FAM91A1: variants seen among roughly 807,000 people sequenced by gnomAD.
FAM91A1 encodes family with sequence similarity 91 member A1.
FAM91A1 carries 41 observed loss-of-function variants against 113.5 expected under a neutral mutation model. The ratio of observed to expected loss-of-function variants is 0.36; its 90% CI spans 0.28 to 0.47. The LOEUF (loss-of-function observed/expected upper bound fraction) is 0.47. Among genes scored for constraint, FAM91A1 ranks in the 20% least tolerant of loss-of-function variants. The pLI is 1.00. For synonymous variants in FAM91A1, 307 were observed against 347.9 expected (o/e 0.88, Z 1.31); for missense variants, 696 against 1,001.2 (o/e 0.70, Z 4.11).
chr8:123,768,505 T>C lies in FAM91A1; in HGVS notation c.-198T>C, dbSNP rs1457078313. ...GCTGTTCAGGCGATCCAGCCTCCAA[T>C]CGCTGCTGCTCTTGTACTCGGTTGG... On this transcript the variant is annotated 5_prime_UTR_variant, in exon 1 of 24. Transcript: ENST00000334705. 1.8e-5 allele frequency: 9 copies of C among 496,498 alleles called. No homozygotes were observed. The highest frequency in any genetic ancestry group is 3.2e-5 in the Non-Finnish European group (9 of 282,600). The allele number at this position is 496,498 out of a possible 1,614,324, so 30.8% of individuals were successfully genotyped here. A position where few individuals can be genotyped will look rare whatever the true frequency, so the allele number is the denominator to read the frequency against.
chr8:123,810,267 C>CTTTT lies in FAM91A1; in HGVS notation c.2262-7_2262-4dup. 3.4e-6 allele frequency: 4 copies of CTTTT among 1,188,716 alleles called. No homozygotes were observed. In the African/African-American group the frequency reaches 4.8e-5, roughly 14 times the overall value. The allele number at this position is 1,188,716 out of a possible 1,614,324, so 73.6% of individuals were successfully genotyped here. ...ATGTTTGTTTTAAACTGTTTCTCGC[C>CTTTT]TTTTTTTTTTTCAGCCTTCAAAACC... On this transcript the variant is annotated splice_polypyrimidine_tract_variant and intron_variant, in intron 22 of 23. Transcript: ENST00000334705.
intron 9 of FAM91A1, 119 bp downstream of exon 9, chr8:123,784,695 A>G (rs1158309813): frequency 1.9e-5 from 11 of 566,060 alleles, no homozygotes; most frequent in Non-Finnish European, 3.2e-5. Context: ...AGATCATACC[A>G]TTATTACACT....
chr8:123,814,268 G>T lies in FAM91A1; in HGVS notation c.*1564G>T. On this transcript the variant is annotated 3_prime_UTR_variant, in exon 24 of 24. Coordinates refer to ENST00000334705, the MANE Select transcript of FAM91A1 (RefSeq NM_144963.4). Reference sequence around the variant, plus strand: ...TCACTCACTTATTTTTCCAATAATTGATATTGTACATTCCTAGTGCCATTA... The same window carrying T: ...TCACTCACTTATTTTTCCAATAATTTATATTGTACATTCCTAGTGCCATTA... 3.2e-6 allele frequency: 1 copy of T among 313,042 alleles called. No homozygotes were observed. Among genetic ancestry groups the T allele is most frequent in the Non-Finnish European group, 6.0e-6 (1 of 165,598 alleles). The allele number at this position is 313,042 out of a possible 1,614,324, so 19.4% of individuals were successfully genotyped here. A position where few individuals can be genotyped will look rare whatever the true frequency, so the allele number is the denominator to read the frequency against.
intron 18 of FAM91A1, among the ~76,000 whole-genome samples, chr8:123,803,976 T>G (rs983845767): frequency 2.6e-5 from 4 of 152,212 alleles, no homozygotes; most frequent in Non-Finnish European, 5.9e-5. Flanking sequence ...TCTTCATGCT[T>G]CTTGTTATTA....
rs563546774 is a variant in FAM91A1 at position 123,791,285 on chromosome 8, G to A, written c.1411+1540G>A. ...CCAGGAATGGAAGACTTGAATCTGT[G>A]TCTGTTGATTTTTTTTTTTCCATTG... On this transcript the variant is annotated intron_variant, in intron 15 of 23. Coordinates refer to ENST00000334705, the MANE Select transcript of FAM91A1 (RefSeq NM_144963.4). 2.3e-3 allele frequency among the ~76,000 whole-genome samples: 331 copies of A among 145,038 alleles called. 2 individuals carry two copies. In the South Asian group the frequency reaches 0.023, roughly 10 times the overall value.
chr8:123,814,135 A>G lies in FAM91A1; in HGVS notation c.*1431A>G. The G allele has an allele frequency of 2.6e-6, 1 of 388,700 alleles. No individual in the cohort carries two copies. The highest frequency in any genetic ancestry group is 4.9e-6 in the Non-Finnish European group (1 of 204,926). The allele number at this position is 388,700 out of a possible 1,614,324, so 24.1% of individuals were successfully genotyped here. A position where few individuals can be genotyped will look rare whatever the true frequency, so the allele number is the denominator to read the frequency against. ...GTGCTGTGTTTGAGGTAAATGCAGT[A>G]ACGGTTAGTTTTCTACTTTGTCTTA... On this transcript the variant is annotated 3_prime_UTR_variant, in exon 24 of 24. Coordinates refer to ENST00000334705, the MANE Select transcript of FAM91A1 (RefSeq NM_144963.4).
chr8:123,784,852 C>A, intron 9 of FAM91A1: 1 of 407,992 alleles, frequency 2.5e-6, no homozygotes, highest in South Asian at 5.6e-5. Flanking sequence ...TTAAATGAGA[C>A]GAAATTAAAG....
At chr8:123,785,283 G>A (rs1372593113) in intron 10 of FAM91A1, among the ~76,000 whole-genome samples, 164 bp downstream of exon 10, 1 of 152,194 alleles carries the variant, frequency 6.6e-6, no homozygotes, top group African/African-American at 2.4e-5. Context: ...ACAGGAAAGA[G>A]CAGGAAAAGG....
chr8:123,780,784 A>G (rs1815101769), intron 8 of FAM91A1, among the ~76,000 whole-genome samples: 1 of 152,184 alleles, frequency 6.6e-6, no homozygotes, highest in South Asian at 2.1e-4. Context: ...CCCAAATCAA[A>G]TCAATATTTT....
At chr8:123,807,528 A>C (rs1737029962) in intron 20 of FAM91A1, among the ~76,000 whole-genome samples, 1 of 151,826 alleles carries the variant, frequency 6.6e-6, no homozygotes, top group South Asian at 2.1e-4. Context: ...ATGTTGTTCC[A>C]AGGATGAAAA....
In FAM91A1 at chr8:123,802,841, C is replaced by T. The variant is rs529817432; in HGVS notation, c.1810-2426C>T. Among the ~76,000 whole-genome samples, 5 of 152,284 alleles carry T rather than the reference C, an allele frequency of 3.3e-5. No individual in the cohort carries two copies. In the East Asian group the frequency reaches 9.6e-4, roughly 29 times the overall value. ...CCTTTTTGAACTTTAGTGTCTTTAC[C>T]TATAAACTGGAGATAAAGTTCCCAT... On this transcript the variant is annotated intron_variant, in intron 18 of 23. Transcript: ENST00000334705.
At chr8:123,802,605 G>A (rs1273647628) in intron 18 of FAM91A1, among the ~76,000 whole-genome samples, 3 of 152,200 alleles carry the variant, frequency 2.0e-5, no homozygotes, top group African/African-American at 7.2e-5. Flanking sequence ...AAATTCAAAT[G>A]AGAGGTTAGA....
chr8:123,793,766 A>G (rs1289880943), intron 15 of FAM91A1, among the ~76,000 whole-genome samples: 1 of 152,172 alleles, frequency 6.6e-6, no homozygotes, highest in Non-Finnish European at 1.5e-5. Context: ...AGTTGTGCTC[A>G]TTGCTTCTAG....
chr8:123,802,039 G>C (rs1008214499), intron 18 of FAM91A1, among the ~76,000 whole-genome samples: 7 of 152,144 alleles, frequency 4.6e-5, no homozygotes, highest in African/African-American at 1.7e-4. Context: ...CCTGCCTTGA[G>C]TGTCCTGCCG....
At chr8:123,812,177 T>C (rs1815972258) in intron 23 of FAM91A1, 1 of 163,506 alleles carries the variant, frequency 6.1e-6, no homozygotes, top group South Asian at 2.1e-4. Context: ...ACCTGGCCTT[T>C]GTAAGTTTTT....
chr8:123,783,882 G>GT (rs746341000), intron 8 of FAM91A1, among the ~76,000 whole-genome samples: 4 of 152,198 alleles, frequency 2.6e-5, no homozygotes, highest in Non-Finnish European at 5.9e-5. Context: ...TTGCCACTGA[G>GT]GCCCACTGGG....
In FAM91A1 at chr8:123,810,439, CAGCAAGATATGA is replaced by C. The variant is rs564151407; in HGVS notation, c.2331+90_2331+101del. On this transcript the variant is annotated intron_variant, in intron 23 of 23. Coordinates refer to ENST00000334705, the MANE Select transcript of FAM91A1 (RefSeq NM_144963.4). ...TGTGTTTGTTTTTGAGTCACCACAG[CAGCAAGATATGA>C]AATAAACATTAATTTTATTGTACAA... The C allele has an allele frequency of 3.6e-5, 40 of 1,112,914 alleles. No homozygotes were observed. In the African/African-American group the frequency reaches 5.3e-4, roughly 15 times the overall value. 68.9% of individuals were successfully genotyped at this position (1,112,914 alleles called of 1,614,324 possible).
intron 18 of FAM91A1, among the ~76,000 whole-genome samples, chr8:123,800,532 TCAC>T (rs1485922730): frequency 7.2e-5 from 11 of 152,262 alleles, no homozygotes; most frequent in African/African-American, 2.4e-4. Flanking sequence ...ACTGTACAAT[TCAC>T]CAATTTAAAT....
chr8:123,784,072 T>C (rs1010695936), intron 8 of FAM91A1, among the ~76,000 whole-genome samples: 2 of 152,216 alleles, frequency 1.3e-5, no homozygotes, highest in East Asian at 1.9e-4. Flanking sequence ...TGCAGTCATT[T>C]GCTTTTCAGC....
Sources: gnomAD v4.1 joint callset for allele counts (sites outside exome capture counted in the v4.1 genomes callset) on GRCh38, gnomAD v4.1.1 for gene constraint, MANE v1.5 for transcripts, NCBI Gene and HGNC (gene_info 2026-07-23, HGNC 2026-07-21) for gene names.